The following COL18A1 variants were observed in gnomAD, a reference collection of about 807,000 sequenced individuals.
The protein encoded by COL18A1 is collagen alpha-1(XVIII) chain.
COL18A1 carries 133 observed loss-of-function variants against 168.0 expected under a neutral mutation model. The ratio of observed to expected loss-of-function variants is 0.79; its 90% confidence interval spans 0.69 to 0.91. COL18A1 has a LOEUF of 0.91. Ranked by LOEUF, COL18A1 falls within the 40% of genes least tolerant of loss-of-function variation. The pLI is 0.00. For missense variants in COL18A1, 2,126 were observed against 1,925.4 expected, an observed-to-expected ratio of 1.10 and a Z score of -1.95; for synonymous variants, 949 against 809.0, an observed-to-expected ratio of 1.17 and a Z score of -2.94.
chr21:45,446,785 A>T (rs762381063), intron 2 of COL18A1, among the ~76,000 whole-genome samples: 2 of 151,568 alleles, frequency 1.3e-5, no homozygotes, highest in Non-Finnish European at 2.9e-5. Flanking sequence ...ATCCAGCAAC[A>T]TATAAAAAAA....
chr21:45,480,546 T>C (rs1383271669), intron 12 of COL18A1, 26 bp downstream of exon 12: 1 of 1,613,924 alleles, frequency 6.2e-7, no homozygotes, highest in East Asian at 2.2e-5. Context: ...ACTGCAGCGC[T>C]GCCCGATGTC....
chr21:45,427,479 C>A (rs1303161247), intron 2 of COL18A1, among the ~76,000 whole-genome samples: 2 of 152,072 alleles, frequency 1.3e-5, no homozygotes, highest in African/African-American at 4.8e-5. Context: ...ACTGTGTGCC[C>A]GGGTGCCGTG....
Position 45,468,432 on chromosome 21 carries a change from G to A in COL18A1, c.297G>A (p.Arg99=), listed in dbSNP as rs368228266. 1 of 1,613,946 alleles carries A rather than the reference G, an allele frequency of 6.2e-7. No homozygotes were observed. The highest frequency in any genetic ancestry group is 1.3e-5 in the African/African-American group (1 of 74,944). Residue 99 remains arginine, a synonymous_variant, in exon 3 of 42, where the codon CGG becomes CGA. Coordinates refer to ENST00000651438, the MANE Select transcript of COL18A1 (RefSeq NM_001379500.1). The part of the protein sequence containing the change: ...FRDFSLLFHI[R]PATEGPGVLF... ...ACTTCTCACTGCTGTTCCACATCCG[G>A]CCAGCCACAGAGGGCCCAGGGGTGC...
At chr21:45,434,077 A>G (rs376794824) in intron 2 of COL18A1, among the ~76,000 whole-genome samples, 4,309 of 145,404 alleles carry the variant, frequency 0.03, 92 homozygotes, top group South Asian at 0.041. Context: ...GAGCAGGTGC[A>G]TGGGCCAGGT....
At chr21:45,465,872 C>T (rs2035186703) in intron 2 of COL18A1, among the ~76,000 whole-genome samples, 1 of 152,166 alleles carries the variant, frequency 6.6e-6, no homozygotes, top group Admixed American at 6.5e-5. Flanking sequence ...TTCGGAGCCA[C>T]GGTGGCCGTG....
chr21:45,456,290 C>T lies in COL18A1; in HGVS notation c.107-11952C>T, dbSNP rs538715485. 53 of 1,564,824 alleles carry T rather than the reference C, an allele frequency of 3.4e-5. No homozygotes were observed. The African/African-American group carries it at 4.3e-4, about 13-fold the overall frequency. ...AGCCGCTCCCAGCCAGCAGCTCCAA[C>T]GCCCTGACGTCCGCCTGCGCACGCC... On this transcript the variant is annotated intron_variant, in intron 2 of 41. Coordinates refer to ENST00000651438, the MANE Select transcript of COL18A1 (RefSeq NM_001379500.1).
intron 2 of COL18A1, chr21:45,420,993 G>C (rs1320436481): frequency 6.0e-6 from 1 of 166,908 alleles, no homozygotes; most frequent in African/African-American, 2.4e-5. Flanking sequence ...GTCCCAGGAG[G>C]GTGTGAGGAC....
chr21:45,510,973 ACACCCC>A, intron 40 of COL18A1, 132 bp from the exon 41 acceptor site: 10 of 14,912 alleles, frequency 6.7e-4, no homozygotes, highest in Middle Eastern at 0.031. Flanking sequence ...ACACCCCCAA[ACACCCC>A]CCACACCCCA....
intron 3 of COL18A1, among the ~76,000 whole-genome samples, chr21:45,472,902 C>G (rs2035497184): frequency 6.6e-6 from 1 of 152,242 alleles, no homozygotes. Context: ...TGCCCACACA[C>G]TCAGCACTCA....
Position 45,511,217 on chromosome 21 carries a change from A to AC in COL18A1, c.3804dup (p.Thr1269HisfsTer24). 1 of 1,571,272 alleles carries AC rather than the reference A, an allele frequency of 6.4e-7. No individual in the cohort carries two copies. Among genetic ancestry groups the AC allele is most frequent in the Non-Finnish European group, 8.7e-7 (1 of 1,152,966 alleles). On this transcript the variant is annotated frameshift_variant, in exon 41 of 42. Coordinates refer to ENST00000651438, the MANE Select transcript of COL18A1 (RefSeq NM_001379500.1). LOFTEE classifies it low-confidence loss of function (END_TRUNC). ...TTTGACGGCAAGGACGTCCTGAGGCACCCCACCTGGTAGGTTCCCAGTGCC... is the reference window on the plus strand; with the variant it reads ...TTTGACGGCAAGGACGTCCTGAGGCACCCCCACCTGGTAGGTTCCCAGTGCC...
chr21:45,497,024 C>T (rs768633591), intron 30 of COL18A1, 26 bp from the exon 31 acceptor site: 3 of 1,584,798 alleles, frequency 1.9e-6, no homozygotes, highest in Middle Eastern at 1.7e-4. Flanking sequence ...TCGCCCTCAG[C>T]AGCCGCCTCT....
At chr21:45,478,449 C>G in intron 9 of COL18A1, 96 bp downstream of exon 9, 2 of 1,523,982 alleles carry the variant, frequency 1.3e-6, no homozygotes, top group South Asian at 2.2e-5. Context: ...AAACGCGACC[C>G]AGTGAGGAGA....
intron 2 of COL18A1, 58 bp from the exon 3 acceptor site, chr21:45,468,184 C>T (rs1222016949): frequency 2.3e-5 from 37 of 1,591,566 alleles, no homozygotes; most frequent in Non-Finnish European, 2.8e-5. Flanking sequence ...CAGGCCGCGT[C>T]GGTGGCCCCT....
At chr21:45,441,114 C>T (rs892037221) in intron 2 of COL18A1, among the ~76,000 whole-genome samples, 1 of 152,200 alleles carries the variant, frequency 6.6e-6, no homozygotes, top group Admixed American at 6.5e-5. Flanking sequence ...TTACAACAGA[C>T]TTTCCCATCT....
intron 2 of COL18A1, among the ~76,000 whole-genome samples, chr21:45,415,575 G>A (rs971243741): frequency 6.6e-6 from 1 of 152,220 alleles, no homozygotes; most frequent in Non-Finnish European, 1.5e-5. Context: ...GGGAACCAGC[G>A]TGGTGTGGAG....
chr21:45,478,533 A>G (rs2035765060), intron 9 of COL18A1, among the ~76,000 whole-genome samples, 180 bp downstream of exon 9: 1 of 152,214 alleles, frequency 6.6e-6, no homozygotes, highest in Non-Finnish European at 1.5e-5. Flanking sequence ...GGGAAATAGC[A>G]GTTATGCATT....
intron 15 of COL18A1, among the ~76,000 whole-genome samples, chr21:45,486,579 C>T (rs891211678): frequency 2.0e-5 from 3 of 152,316 alleles, no homozygotes; most frequent in African/African-American, 7.2e-5. Context: ...GTGCCCTGTG[C>T]ACCTCCCGCT....
At chr21:45,476,029 C>T (rs1293148042) in intron 5 of COL18A1, among the ~76,000 whole-genome samples, 3 of 152,292 alleles carry the variant, frequency 2.0e-5, no homozygotes, top group East Asian at 1.9e-4. Context: ...CCGTGAGAGA[C>T]GGGTGCGGGA....
At position 45,435,602 on chromosome 21, in the gene COL18A1, G is replaced by A. The variant is rs1056469669; in HGVS notation, c.106+30129G>A. On this transcript the variant is annotated intron_variant, in intron 2 of 41. Coordinates refer to ENST00000651438, the MANE Select transcript of COL18A1 (RefSeq NM_001379500.1). ...GGGCAGGGCCAGGCTGTGGGAGTCC[G>A]GGAGGGAGTCAGAGGTTGGCTGGGG... 6.6e-5 allele frequency among the ~76,000 whole-genome samples: 10 copies of A among 152,144 alleles called. No homozygotes were observed. The East Asian group carries it at 1.2e-3, about 18-fold the overall frequency.
Sources: gnomAD v4.1 joint callset for allele counts (sites outside exome capture counted in the v4.1 genomes callset) on GRCh38, gnomAD v4.1.1 for gene constraint, MANE v1.5 for transcripts, NCBI Gene and HGNC (gene_info 2026-07-23, HGNC 2026-07-21) for gene names.